PCDH11X: variants seen among roughly 807,000 people sequenced by gnomAD.
The protein encoded by PCDH11X is protocadherin-11 X-linked.
In PCDH11X, 18 loss-of-function variants were observed where a neutral mutation model predicts 53.3. That is an observed-to-expected ratio of 0.34 (90% CI 0.23 to 0.50). The LOEUF is 0.50. PCDH11X is among the 20% of genes least tolerant of loss of function. PCDH11X has a pLI of 0.98. For missense variants in PCDH11X, 570 were observed against 1,032.4 expected (o/e 0.55, Z 6.14); for synonymous variants, 279 against 393.3 (o/e 0.71, Z 3.44).
intron 6 of PCDH11X, among the ~76,000 whole-genome samples, chrX:92,124,743 T>G (rs1218396969): frequency 9.1e-6 from 1 of 110,255 alleles, no homozygotes; most frequent in Non-Finnish European, 1.9e-5. Context: ...TATTTTTTCA[T>G]GTTGTAAAAC....
chrX:92,262,909 T>G (rs934299664), intron 7 of PCDH11X: 2 of 378,956 alleles, frequency 5.3e-6, no homozygotes, highest in Admixed American at 1.9e-4. Flanking sequence ...TGCTGTTATA[T>G]CCCTTTACTC....
chrX:92,587,485 A>G (rs1924521359), intron 10 of PCDH11X, among the ~76,000 whole-genome samples: 1 of 109,572 alleles, frequency 9.1e-6, no homozygotes, highest in African/African-American at 3.3e-5. Context: ...TTTAATAGAT[A>G]GTTCTCAAAA....
At chrX:92,160,496 C>G (rs757907522) in intron 6 of PCDH11X, among the ~76,000 whole-genome samples, 6 of 109,075 alleles carry the variant, frequency 5.5e-5, no homozygotes, top group African/African-American at 2.0e-4. Flanking sequence ...TAATTCATTC[C>G]TTTTTATGGC....
chrX:91,962,913 A>G (rs1212585906), intron 6 of PCDH11X, among the ~76,000 whole-genome samples: 1 of 111,073 alleles, frequency 9.0e-6, no homozygotes, highest in Non-Finnish European at 1.9e-5. Context: ...GGCCCCTTTT[A>G]ATCATGGCTG....
chrX:92,080,525 G>A (rs1435666253), intron 6 of PCDH11X, among the ~76,000 whole-genome samples: 3 of 111,249 alleles, frequency 2.7e-5, no homozygotes, highest in Non-Finnish European at 5.6e-5. Context: ...GGCTGGAAAT[G>A]ACAGCACAAG....
At chrX:92,299,054 C>T (rs34192609) in intron 8 of PCDH11X, among the ~76,000 whole-genome samples, 2 of 111,425 alleles carry the variant, frequency 1.8e-5, no homozygotes, top group Non-Finnish European at 3.8e-5. Flanking sequence ...ACCCTTATCT[C>T]GTCTCCTGCT....
At position 91,824,426 on chromosome X, in the gene PCDH11X, C is replaced by G. The variant is rs774469036; in HGVS notation, c.-44-11035C>G. Among the ~76,000 whole-genome samples, 85 of 110,812 alleles carry G rather than the reference C, an allele frequency of 7.7e-4. 1 individual carries two copies. Among genetic ancestry groups the G allele is most frequent in the African/African-American group, 2.7e-3 (81 of 30,267 alleles). Reference sequence around the variant, plus strand: ...CCTTCTCACTTCATTTCATTCATTTCATCTTCCATCGCTGATACCCTTTCT... The same window carrying G: ...CCTTCTCACTTCATTTCATTCATTTGATCTTCCATCGCTGATACCCTTTCT... On this transcript the variant is annotated intron_variant, in intron 4 of 10. Transcript: ENST00000682573.
intron 10 of PCDH11X, among the ~76,000 whole-genome samples, chrX:92,555,633 G>C (rs112238777): frequency 0.017 from 1,915 of 111,508 alleles, 42 homozygotes; most frequent in African/African-American, 0.058. Flanking sequence ...TAGTGCTATG[G>C]CTATTGTATT....
intron 6 of PCDH11X, among the ~76,000 whole-genome samples, chrX:92,001,370 T>C (rs1014567021): frequency 1.7e-4 from 19 of 111,652 alleles, no homozygotes; most frequent in African/African-American, 5.9e-4. Context: ...GCCATTTGTA[T>C]GTCTTGTTTT....
At chrX:92,049,795 A>G (rs950843514) in intron 6 of PCDH11X, among the ~76,000 whole-genome samples, 13 of 111,402 alleles carry the variant, frequency 1.2e-4, no homozygotes, top group African/African-American at 4.2e-4. Flanking sequence ...TTTTCTTGAC[A>G]TGGAGTCTCG....
intron 7 of PCDH11X, among the ~76,000 whole-genome samples, chrX:92,219,302 T>C (rs1179548647): frequency 9.0e-6 from 1 of 110,612 alleles, no homozygotes; most frequent in Non-Finnish European, 1.9e-5. Context: ...AAAACTCCAT[T>C]GTCTCAGCCC....
At chrX:92,533,106 C>T (rs963317504) in intron 10 of PCDH11X, among the ~76,000 whole-genome samples, 1 of 111,031 alleles carries the variant, frequency 9.0e-6, no homozygotes, top group African/African-American at 3.3e-5. Flanking sequence ...CAATAACAGG[C>T]TTTTTAGAAC....
intron 8 of PCDH11X, among the ~76,000 whole-genome samples, chrX:92,380,387 G>A (rs1271433951): frequency 8.9e-6 from 1 of 112,033 alleles, no homozygotes; most frequent in Non-Finnish European, 1.9e-5. Flanking sequence ...CTGCCAAGCC[G>A]AGTGGGTGGA....
intron 6 of PCDH11X, among the ~76,000 whole-genome samples, chrX:92,111,519 G>A (rs2064512140): frequency 1.8e-5 from 2 of 108,785 alleles, no homozygotes; most frequent in South Asian, 3.9e-4. Context: ...TAATTTTAAG[G>A]TAGAATGTAA....
At chrX:92,331,028 A>G (rs1223119043) in intron 8 of PCDH11X, among the ~76,000 whole-genome samples, 1 of 100,040 alleles carries the variant, frequency 1.0e-5, no homozygotes, top group Non-Finnish European at 2.0e-5. Context: ...TACATACTTC[A>G]AAACATATGT....
intron 9 of PCDH11X, among the ~76,000 whole-genome samples, chrX:92,394,007 C>T (rs926737047): frequency 9.0e-6 from 1 of 110,602 alleles, no homozygotes; most frequent in Non-Finnish European, 1.9e-5. Flanking sequence ...GGGTAAAACA[C>T]GTCTTACGAT....
chrX:91,795,177 G>C (rs1382200583), intron 1 of PCDH11X, among the ~76,000 whole-genome samples: 2 of 112,012 alleles, frequency 1.8e-5, no homozygotes, highest in Non-Finnish European at 3.8e-5. Context: ...TGCATAACTT[G>C]TGCTTTTTTG....
At chrX:92,491,906 T>C (rs1181137450) in intron 10 of PCDH11X, among the ~76,000 whole-genome samples, 1 of 111,870 alleles carries the variant, frequency 8.9e-6, no homozygotes, top group Non-Finnish European at 1.9e-5. Context: ...CAAATGGTAG[T>C]ATATCCTTTT....
intron 1 of PCDH11X, among the ~76,000 whole-genome samples, chrX:91,803,532 G>A (rs1054017121): frequency 9.0e-6 from 1 of 111,136 alleles, no homozygotes. Flanking sequence ...GTAGCTAAGG[G>A]CTTAAGCTTT....
Sources: gnomAD v4.1 joint callset for allele counts (sites outside exome capture counted in the v4.1 genomes callset) on GRCh38, gnomAD v4.1.1 for gene constraint, MANE v1.5 for transcripts, NCBI Gene and HGNC (gene_info 2026-07-23, HGNC 2026-07-21) for gene names.